PCCA: variants seen among roughly 807,000 people sequenced by gnomAD.
PCCA encodes the protein propionyl-CoA carboxylase subunit alpha, also known as propionyl-CoA carboxylase alpha chain, mitochondrial.
A neutral mutation model predicts 101.3 loss-of-function variants in PCCA; 74 were observed. The ratio of observed to expected loss-of-function variants is 0.73; its 90% CI spans 0.61 to 0.89. The LOEUF is 0.89. Ranked by LOEUF, PCCA falls within the 40% of genes least tolerant of loss-of-function variation. The pLI, the probability that PCCA is intolerant of heterozygous loss-of-function variation, is 0.00. For missense variants in PCCA, 891 were observed against 907.0 expected, an observed-to-expected ratio of 0.98 and a Z score of 0.23; for synonymous variants, 294 against 313.6, an observed-to-expected ratio of 0.94 and a Z score of 0.66.
chr13:100,182,710 A>G (rs1319563055), intron 6 of PCCA, among the ~76,000 whole-genome samples: 1 of 152,024 alleles, frequency 6.6e-6, no homozygotes, highest in Non-Finnish European at 1.5e-5. Flanking sequence ...CTGTTGGAAC[A>G]TGCTGACTTC....
At chr13:100,185,687 G>A (rs916396807) in intron 6 of PCCA, among the ~76,000 whole-genome samples, 4 of 135,798 alleles carry the variant, frequency 2.9e-5, no homozygotes, top group African/African-American at 1.1e-4. Flanking sequence ...TGCTCTTGTT[G>A]CCCACGCTGG....
intron 12 of PCCA, among the ~76,000 whole-genome samples, chr13:100,285,930 C>T (rs1252471776): frequency 6.6e-6 from 1 of 152,182 alleles, no homozygotes; most frequent in Non-Finnish European, 1.5e-5. Flanking sequence ...GAGACCAGTG[C>T]CCAGTTAGTG....
chr13:100,129,691 C>T (rs1477071930), intron 4 of PCCA, among the ~76,000 whole-genome samples: 2 of 152,190 alleles, frequency 1.3e-5, no homozygotes, highest in Non-Finnish European at 2.9e-5. Flanking sequence ...GGTTCTGCCT[C>T]CCTAGGTCCA....
intron 4 of PCCA, among the ~76,000 whole-genome samples, chr13:100,141,273 C>T (rs796825786): frequency 6.6e-6 from 1 of 152,182 alleles, no homozygotes; most frequent in African/African-American, 2.4e-5. Context: ...TTCACATTTC[C>T]ACCATTTCGA....
Position 100,219,479 on chromosome 13 carries a change from C to A in PCCA, c.600+10016C>A, listed in dbSNP as rs144388115. Among the ~76,000 whole-genome samples, 415 of 152,090 alleles carry A rather than the reference C, an allele frequency of 2.7e-3. 6 individuals are homozygous for A. The highest frequency in any genetic ancestry group is 0.027 in the South Asian group (131 of 4,812). Reference sequence around the variant, plus strand: ...ATGAAATTAGTGAATGTAGTGTCTCCTAGGAAGGGAATGTTTCTTGGCTAA... The same window carrying A: ...ATGAAATTAGTGAATGTAGTGTCTCATAGGAAGGGAATGTTTCTTGGCTAA... On this transcript the variant is annotated intron_variant, in intron 7 of 23. Transcript: ENST00000376285.
intron 8 of PCCA, among the ~76,000 whole-genome samples, chr13:100,243,489 T>C (rs1389486319): frequency 6.6e-6 from 1 of 152,190 alleles, no homozygotes; most frequent in African/African-American, 2.4e-5. Flanking sequence ...TGATAAACTT[T>C]CAGCAAATAG....
At position 100,340,711 on chromosome 13, in the gene PCCA, T is replaced by G. The variant is rs977424623; in HGVS notation, c.1643+452T>G. Among the ~76,000 whole-genome samples the G allele has an allele frequency of 1.8e-4, 27 of 152,334 alleles. 1 individual carries two copies. Among genetic ancestry groups the G allele is most frequent in the African/African-American group, 5.3e-4 (22 of 41,592 alleles). ...CATTTGTGAGACACAAGTGTGCCTT[T>G]TAGCTTCCTAGTGACCCAGGTAAAA... On this transcript the variant is annotated intron_variant, in intron 18 of 23. Coordinates refer to ENST00000376285, the MANE Select transcript of PCCA (RefSeq NM_000282.4).
At position 100,220,819 on chromosome 13, in the gene PCCA, C is replaced by A. The variant is rs150377628; in HGVS notation, c.600+11356C>A. ...CCACAGACTTAGTCTGAGCCAAACT[C>A]ATGGGAGTCTCCTAATGGCATATTG... On this transcript the variant is annotated intron_variant, in intron 7 of 23. Transcript: ENST00000376285. Among the ~76,000 whole-genome samples the A allele has an allele frequency of 2.0e-5, 3 of 152,326 alleles. No individual in the cohort carries two copies. The East Asian group carries it at 5.8e-4, about 29-fold the overall frequency.
intron 23 of PCCA, 102 bp downstream of exon 23, chr13:100,527,854 C>T: frequency 1.2e-6 from 1 of 857,050 alleles, no homozygotes; most frequent in Non-Finnish European, 2.0e-6. Flanking sequence ...CAGAGGCGCC[C>T]TCTCCCCCTC....
At chr13:100,195,201 TGAG>T (rs533456591) in intron 6 of PCCA, among the ~76,000 whole-genome samples, 8 of 152,222 alleles carry the variant, frequency 5.3e-5, no homozygotes, top group Non-Finnish European at 7.3e-5. Flanking sequence ...TCAGCTTCCA[TGAG>T]GAGGACCTTA....
chr13:100,108,014 G>A (rs1393302323), intron 2 of PCCA, among the ~76,000 whole-genome samples: 1 of 152,110 alleles, frequency 6.6e-6, no homozygotes. Context: ...CAGAAGAGTT[G>A]GGCAAGTGAC....
At chr13:100,416,912 C>T (rs1283100106) in intron 19 of PCCA, among the ~76,000 whole-genome samples, 1 of 152,092 alleles carries the variant, frequency 6.6e-6, no homozygotes, top group African/African-American at 2.4e-5. Flanking sequence ...GGCGCGATCT[C>T]GGCTCACTGC....
intron 1 of PCCA, among the ~76,000 whole-genome samples, chr13:100,096,358 C>A (rs999524772): frequency 6.6e-6 from 1 of 152,120 alleles, no homozygotes. Context: ...GAACCACGCC[C>A]ATATAAGTTG....
chr13:100,167,245 C>T (rs2055140791), intron 6 of PCCA, among the ~76,000 whole-genome samples: 1 of 151,760 alleles, frequency 6.6e-6, no homozygotes, highest in Admixed American at 6.6e-5. Context: ...ATAGTTTGAA[C>T]CTTTTGAGTC....
chr13:100,390,538 T>C (rs983402132), intron 19 of PCCA, among the ~76,000 whole-genome samples: 3 of 152,064 alleles, frequency 2.0e-5, no homozygotes, highest in Admixed American at 1.3e-4. Context: ...CCTTGAGGTA[T>C]GCTAAAGATT....
chr13:100,453,151 T>C (rs2081455306), intron 21 of PCCA, among the ~76,000 whole-genome samples: 1 of 151,904 alleles, frequency 6.6e-6, no homozygotes, highest in Non-Finnish European at 1.5e-5. Flanking sequence ...ACCACTGCAC[T>C]CCAGCCTGGG....
chr13:100,354,631 C>A (rs1284666908), intron 18 of PCCA, among the ~76,000 whole-genome samples: 3 of 151,894 alleles, frequency 2.0e-5, no homozygotes. Context: ...AGAAAAAAAA[C>A]TGAAATTGTA....
At chr13:100,150,526 TCC>T in intron 4 of PCCA, 1 of 1,353,678 alleles carries the variant, frequency 7.4e-7, no homozygotes, top group Non-Finnish European at 1.0e-6. Context: ...TTCTCCAAGC[TCC>T]CCGGCGAGAA....
chr13:100,396,327 A>G (rs1220926450), intron 19 of PCCA, among the ~76,000 whole-genome samples: 1 of 152,212 alleles, frequency 6.6e-6, no homozygotes, highest in Non-Finnish European at 1.5e-5. Flanking sequence ...TATCTGTAGA[A>G]TAGGGATAGT....
Sources: gnomAD v4.1 joint callset for allele counts (sites outside exome capture counted in the v4.1 genomes callset) on GRCh38, gnomAD v4.1.1 for gene constraint, MANE v1.5 for transcripts, NCBI Gene and HGNC (gene_info 2026-07-23, HGNC 2026-07-21) for gene names.